The following MYBPC1 variants were observed in gnomAD, a reference collection of about 807,000 sequenced individuals.
MYBPC1 encodes myosin binding protein C1.
Under a neutral mutation model 147.1 loss-of-function variants are expected in MYBPC1, and 52 were observed. That is an observed-to-expected ratio of 0.35 (90% CI 0.28 to 0.45). The LOEUF is 0.45. MYBPC1 is among the 20% of genes least tolerant of loss of function. The probability of loss-of-function intolerance (pLI) is 1.00; values close to 1 mark genes in which losing one functional copy is unlikely to be tolerated. For synonymous variants in MYBPC1, 477 were observed against 475.9 expected (o/e 1.00, Z -0.03); for missense variants, 1,228 against 1,440.3 (o/e 0.85, Z 2.39).
chr12:101,667,035 G>C (rs1897625192), intron 22 of MYBPC1, among the ~76,000 whole-genome samples: 1 of 151,894 alleles, frequency 6.6e-6, no homozygotes, highest in Admixed American at 6.6e-5. Context: ...CTAACTTTTA[G>C]ATGCTGAAAC....
chr12:101,660,400 G>A (rs544499645), intron 19 of MYBPC1: 18 of 168,540 alleles, frequency 1.1e-4, no homozygotes, highest in East Asian at 6.2e-4. Context: ...TCAGTTCTGC[G>A]GAAGTTCACT....
At chr12:101,678,278 T>C in intron 28 of MYBPC1, 40 bp downstream of exon 28, 3 of 1,607,994 alleles carry the variant, frequency 1.9e-6, no homozygotes, top group Non-Finnish European at 2.6e-6. Flanking sequence ...AGTCCCTGTC[T>C]TGTATTTGTT....
chr12:101,630,931 A>G (rs1015471817), intron 6 of MYBPC1, among the ~76,000 whole-genome samples: 2 of 152,226 alleles, frequency 1.3e-5, no homozygotes, highest in Non-Finnish European at 2.9e-5. Flanking sequence ...ACTTCTTTCC[A>G]GGCTAGAATG....
rs1394253798 is a variant in MYBPC1, at chr12:101,594,973, C to G, written c.-98C>G. 1 of 1,187,976 alleles carries G rather than the reference C, an allele frequency of 8.4e-7. No homozygotes were observed. Among genetic ancestry groups the G allele is most frequent in the Non-Finnish European group, 1.2e-6 (1 of 806,274 alleles). 73.6% of individuals were successfully genotyped at this position (1,187,976 alleles called of 1,614,324 possible). On this transcript the variant is annotated 5_prime_UTR_variant, in exon 1 of 32. Coordinates refer to ENST00000361466, the MANE Select transcript of MYBPC1 (RefSeq NM_002465.4). ...ACTGGGTTTCTCCCCAACTGCTTGT[C>G]ACACCGACCTGCACCATCTCTCGCC...
At position 101,662,925 on chromosome 12, in the gene MYBPC1, G is replaced by A. The variant is rs561727381; in HGVS notation, c.2221+379G>A. On this transcript the variant is annotated intron_variant, in intron 21 of 31. Transcript: ENST00000361466. ...TAAACAACTATCACTGAAACAAATT[G>A]AGATCGGTTCAACAGGCTACACTTG... Among the ~76,000 whole-genome samples, 4 of 152,160 alleles carry A rather than the reference G, an allele frequency of 2.6e-5. No individual in the cohort carries two copies. The South Asian group carries it at 6.2e-4, about 24-fold the overall frequency.
chr12:101,685,443 A>C (rs1951296036), intron 31 of MYBPC1, 139 bp from the exon 32 acceptor site: 2 of 662,284 alleles, frequency 3.0e-6, no homozygotes, highest in Non-Finnish European at 2.6e-6. Flanking sequence ...AGATTTTCCA[A>C]GTAGAGACTG....
Position 101,617,217 on chromosome 12 carries a change from A to G in MYBPC1, c.77A>G (p.Lys26Arg). The G allele has an allele frequency of 6.2e-7, 1 of 1,613,842 alleles. No homozygotes were observed. The highest frequency in any genetic ancestry group is 8.5e-7 in the Non-Finnish European group (1 of 1,179,844). The part of the protein sequence containing the change: ...APPPEEPSKE[K>R]EAGTTPAKDE... Reference sequence around the variant, plus strand: ...TTCTACACAGAACCAAGTAAAGAGAAGGAGGCCGGAACTACACCAGCAAAA... The same window carrying G: ...TTCTACACAGAACCAAGTAAAGAGAGGGAGGCCGGAACTACACCAGCAAAA... Residue 26 changes from lysine to arginine, a missense_variant, in exon 3 of 32, where the codon AAG (lysine) becomes AGG (arginine). Coordinates refer to ENST00000361466, the MANE Select transcript of MYBPC1 (RefSeq NM_002465.4).
intron 15 of MYBPC1, among the ~76,000 whole-genome samples, chr12:101,649,958 C>T (rs758766969): frequency 6.6e-6 from 1 of 152,192 alleles, no homozygotes; most frequent in Non-Finnish European, 1.5e-5. Flanking sequence ...AAAATTAAAA[C>T]AGCAAATATC....
At chr12:101,660,082 C>T (rs893477839) in intron 19 of MYBPC1, 4 of 519,834 alleles carry the variant, frequency 7.7e-6, no homozygotes, top group African/African-American at 1.9e-5. Flanking sequence ...AACACAATTG[C>T]TAAATAACTT....
At position 101,685,587 on chromosome 12, in the gene MYBPC1, C is replaced by T; in HGVS notation, c.*25C>T. On this transcript the variant is annotated 3_prime_UTR_variant, in exon 32 of 32. Transcript: ENST00000361466. ...TTCCTTTTGGTCCTCTCTAGGTGGG[C>T]TCTCCTTCTGCAGACTCCTCTTGCA... 1 of 1,529,096 alleles carries T rather than the reference C, an allele frequency of 6.5e-7. No individual in the cohort carries two copies. The highest frequency in any genetic ancestry group is 8.8e-7 in the Non-Finnish European group (1 of 1,140,822). The allele number at this position is 1,529,096 out of a possible 1,614,324, so 94.7% of individuals were successfully genotyped here.
downstream of MYBPC1, among the ~76,000 whole-genome samples, chr12:101,689,422 T>C (rs1280948570): frequency 6.6e-6 from 1 of 152,164 alleles, no homozygotes; most frequent in African/African-American, 2.4e-5. Flanking sequence ...TTCTTTTAGT[T>C]TAATGGTCAA....
chr12:101,642,551 C>G lies in MYBPC1; in HGVS notation c.798C>G (p.Leu266=), dbSNP rs1344663785. Residue 266 remains leucine (L), a synonymous_variant, in exon 11 of 32, where the codon CTC becomes CTG. Transcript: ENST00000361466. ...ACCTGCGCGGCATGCTCAAGCGACT[C>G]AAGCGCATGCGCAGAGAGGAGAAGA... ...ITDLRGMLKR[L]KRMRREEKKS... The G allele has an allele frequency of 6.2e-7, 1 of 1,612,902 alleles. No individual in the cohort carries two copies. The highest frequency in any genetic ancestry group is 1.3e-5 in the African/African-American group (1 of 75,038).
chr12:101,636,500 G>A (rs1891010947), intron 9 of MYBPC1, among the ~76,000 whole-genome samples, 172 bp from the exon 10 acceptor site: 1 of 152,116 alleles, frequency 6.6e-6, no homozygotes, highest in Admixed American at 6.5e-5. Context: ...TTTTCCACAA[G>A]TACATACTCC....
chr12:101,598,016 CTTT>C (rs34462251), intron 1 of MYBPC1, among the ~76,000 whole-genome samples: 4 of 122,176 alleles, frequency 3.3e-5, no homozygotes, highest in Non-Finnish European at 1.7e-5. Flanking sequence ...AATCACCTTT[CTTT>C]TTTTTTTTTT....
intron 28 of MYBPC1, 64 bp from the exon 29 acceptor site, chr12:101,680,276 TTGA>T: frequency 6.8e-7 from 1 of 1,466,578 alleles, no homozygotes; most frequent in Non-Finnish European, 9.4e-7. Context: ...GTCACTGGCT[TTGA>T]TGGTCTATTA....
chr12:101,677,183 A>C, intron 26 of MYBPC1, 52 bp from the exon 27 acceptor site: 1 of 1,565,312 alleles, frequency 6.4e-7, no homozygotes, highest in Non-Finnish European at 8.8e-7. Flanking sequence ...AGTTAGAAAA[A>C]TTGTATACTT....
Position 101,677,356 on chromosome 12 carries a change from C to A in MYBPC1, c.3071C>A (p.Ala1024Asp). The change falls in exon 27 of 32, where the codon GCC becomes GAC. Residue 1024 changes from alanine to aspartate, a missense_variant. Physicochemically the swap from Ala to Asp is moderately radical, Grantham distance 126. Coordinates refer to ENST00000361466, the MANE Select transcript of MYBPC1 (RefSeq NM_002465.4). The stretch of plus-strand genomic sequence containing the variant: ...AACATGTGTGGCCTCAGTGAGGATG[C>A]CACCATGACTAAAGAGAGTGCAGTG... ...SENMCGLSED[A>D]TMTKESAVIA... 6.2e-7 allele frequency: 1 copy of A among 1,613,916 alleles called. No individual in the cohort carries two copies. The highest frequency in any genetic ancestry group is 8.5e-7 in the Non-Finnish European group (1 of 1,179,964).
At chr12:101,596,123 TAGCTA>T (rs2135487518) in intron 1 of MYBPC1, among the ~76,000 whole-genome samples, 1 of 152,330 alleles carries the variant, frequency 6.6e-6, no homozygotes, top group South Asian at 2.1e-4. Flanking sequence ...AAAAATGCTT[TAGCTA>T]TTATTTTAAG....
intron 3 of MYBPC1, among the ~76,000 whole-genome samples, chr12:101,619,163 C>T (rs116328939): frequency 0.015 from 2,224 of 152,102 alleles, 29 homozygotes; most frequent in African/African-American, 0.031. Context: ...TGGGTGCAAC[C>T]TACCTTTTCT....
Sources: gnomAD v4.1 joint callset for allele counts (sites outside exome capture counted in the v4.1 genomes callset) on GRCh38, gnomAD v4.1.1 for gene constraint, MANE v1.5 for transcripts, NCBI Gene and HGNC (gene_info 2026-07-23, HGNC 2026-07-21) for gene names.